The following MAP1S variants were observed in gnomAD, a reference collection of about 807,000 sequenced individuals.
The protein encoded by MAP1S is microtubule associated protein 1S.
In MAP1S, 27 loss-of-function variants were observed where a neutral mutation model predicts 60.9. The observed-to-expected ratio is 0.44, with a 90% CI of 0.33 to 0.61. The LOEUF (loss-of-function observed/expected upper bound fraction) is 0.61. MAP1S is among the 20% of genes least tolerant of loss of function. The probability of loss-of-function intolerance (pLI) is 0.03; values close to 1 mark genes in which losing one functional copy is unlikely to be tolerated. For synonymous variants in MAP1S, 826 were observed against 694.2 expected (o/e 1.19, Z -2.98); for missense variants, 1,608 against 1,486.6 (o/e 1.08, Z -1.34).
intron 6 of MAP1S, 39 bp from the exon 7 acceptor site, chr19:17,734,234 G>A (rs1207395817): frequency 6.3e-7 from 1 of 1,579,070 alleles, no homozygotes; most frequent in Admixed American, 1.7e-5. Flanking sequence ...CCCCTCACTG[G>A]TGGTCCACTC....
At chr19:17,730,809 G>A (rs1568296075) in intron 5 of MAP1S, among the ~76,000 whole-genome samples, 1 of 151,112 alleles carries the variant, frequency 6.6e-6, no homozygotes, top group Non-Finnish European at 1.5e-5. Flanking sequence ...AGTCCATTTT[G>A]TCTATTTTTT....
At position 17,728,142 on chromosome 19, in the gene MAP1S, A is replaced by AC; in HGVS notation, c.2763dup (p.Lys922GlnfsTer44). ...GGCACCCCTGTCCAGAAAGTCCTCAACCCCCAAGACTGCCACTCGAGGCCC... is the reference window on the plus strand; with the variant it reads ...GGCACCCCTGTCCAGAAAGTCCTCAACCCCCCAAGACTGCCACTCGAGGCCC... On this transcript the variant is annotated frameshift_variant, in exon 5 of 7. Coordinates refer to ENST00000324096, the MANE Select transcript of MAP1S (RefSeq NM_018174.6). LOFTEE classifies it high-confidence loss of function. 1 of 1,601,182 alleles carries AC rather than the reference A, an allele frequency of 6.2e-7. No individual in the cohort carries two copies. Among genetic ancestry groups the AC allele is most frequent in the Non-Finnish European group, 8.5e-7 (1 of 1,172,246 alleles).
chr19:17,721,008 ACT>A lies in MAP1S; in HGVS notation c.194_195del (p.Ser65CysfsTer35), dbSNP rs1431858451. 2.5e-6 allele frequency: 4 copies of A among 1,613,574 alleles called. No individual in the cohort carries two copies. Among genetic ancestry groups the A allele is most frequent in the Non-Finnish European group, 3.4e-6 (4 of 1,179,864 alleles). ...CAGCTCAAGGTCTTTGTGTCCCGAC[ACT>A]CTGCCACCTTCTCCAGCATTGTGAA... On this transcript the variant is annotated frameshift_variant, in exon 2 of 7. Coordinates refer to ENST00000324096, the MANE Select transcript of MAP1S (RefSeq NM_018174.6). LOFTEE classifies it high-confidence loss of function.
rs1404011443 is a variant in MAP1S, at chr19:17,726,728, G to A, written c.1344G>A (p.Leu448=). ...PACLLDGLVR[L]QHLRFLREPV... is the part of the protein sequence containing the mutation. ...GCCTCCTGGACGGCCTGGTCCGCCT[G>A]CAGCACTTGAGGTTCCTGCGAGAGC... Residue 448 remains leucine, a synonymous_variant, in exon 5 of 7, where the codon CTG becomes CTA. Transcript: ENST00000324096. 1 of 1,588,954 alleles carries A rather than the reference G, an allele frequency of 6.3e-7. No individual in the cohort carries two copies. The highest frequency in any genetic ancestry group is 8.5e-7 in the Non-Finnish European group (1 of 1,171,038).
At position 17,725,109 on chromosome 19, in the gene MAP1S, C is replaced by T; in HGVS notation, c.364C>T (p.Leu122=). The T allele has an allele frequency of 6.2e-7, 1 of 1,614,156 alleles. No individual in the cohort carries two copies. ...GCTACTGGTGTTGGCTGGGCCCTGC[C>T]TGGAGGAGACGGGGGAGCTGCTGCT... is the stretch of plus-strand genomic sequence containing the variant. The part of the protein sequence containing the change: ...HKLLVLAGPC[L]EETGELLLQT... The change falls in exon 4 of 7, where the codon CTG becomes TTG. Residue 122 remains leucine, a synonymous_variant. Transcript: ENST00000324096. This position sits in a 1 kb window ranked among gnomAD's most constrained non-coding sequence, Gnocchi z 4.2.
At position 17,726,770 on chromosome 19, in the gene MAP1S, G is replaced by A. The variant is rs1257517622; in HGVS notation, c.1386G>A (p.Gln462=). The part of the protein sequence containing the change: ...RFLREPVVTP[Q]DLEGPGRAES... Reference sequence around the variant, plus strand: ...TGCGAGAGCCCGTGGTGACGCCCCAGGACCTGGAGGGGCCGGGGCGAGCCG... The same window carrying A: ...TGCGAGAGCCCGTGGTGACGCCCCAAGACCTGGAGGGGCCGGGGCGAGCCG... The change falls in exon 5 of 7, where the codon CAG becomes CAA. Residue 462 remains glutamine (Q), a synonymous_variant. Coordinates refer to ENST00000324096, the MANE Select transcript of MAP1S (RefSeq NM_018174.6). 6.4e-7 allele frequency: 1 copy of A among 1,556,140 alleles called. No homozygotes were observed. Among genetic ancestry groups the A allele is most frequent in the Admixed American group, 1.9e-5 (1 of 51,538 alleles).
In MAP1S at chr19:17,728,004, G is replaced by C. The variant is rs2080458281; in HGVS notation, c.2620G>C (p.Ala874Pro). 3.7e-6 allele frequency: 6 copies of C among 1,611,402 alleles called. No individual in the cohort carries two copies. Among genetic ancestry groups the C allele is most frequent in the Non-Finnish European group, 5.1e-6 (6 of 1,179,182 alleles). ...KPLARPNSRA[A>P]APKATPVAAA... ...CCTGGCCCGCCCCAACTCACGCGCT[G>C]CCGCCCCCAAAGCCACTCCAGTGGC... The change falls in exon 5 of 7, where the codon GCC (alanine) becomes CCC (proline). Residue 874 changes from alanine to proline, a missense_variant. Ala to Pro is a conservative substitution (Grantham distance 27). Transcript: ENST00000324096.
intron 2 of MAP1S, among the ~76,000 whole-genome samples, chr19:17,722,993 G>A (rs2080384755): frequency 6.6e-6 from 1 of 152,178 alleles, no homozygotes; most frequent in Non-Finnish European, 1.5e-5. Flanking sequence ...GCTGTACCCT[G>A]GTCCGGGTTG....
chr19:17,733,404 G>A lies in MAP1S; in HGVS notation c.3000G>A (p.Lys1000=), dbSNP rs2080510870. The part of the protein sequence containing the change: ...RAVLDALLAS[K]QHWDRDLQVT... ...TCCTGGACGCGCTACTGGCCAGCAAGCAGCATTGGGACCGTGACCTGCAGG... is the reference window on the plus strand; with the variant it reads ...TCCTGGACGCGCTACTGGCCAGCAAACAGCATTGGGACCGTGACCTGCAGG... Residue 1000 remains lysine, a synonymous_variant, in exon 6 of 7, where the codon AAG becomes AAA. Coordinates refer to ENST00000324096, the MANE Select transcript of MAP1S (RefSeq NM_018174.6). The A allele has an allele frequency of 1.2e-6, 2 of 1,608,030 alleles. No homozygotes were observed. Among genetic ancestry groups the A allele is most frequent in the Non-Finnish European group, 8.5e-7 (1 of 1,177,406 alleles).
chr19:17,721,048 G>T lies in MAP1S; in HGVS notation c.220+11G>T. 1.2e-6 allele frequency: 2 copies of T among 1,611,660 alleles called. No individual in the cohort carries two copies. Among genetic ancestry groups the T allele is most frequent in the Non-Finnish European group, 1.7e-6 (2 of 1,177,736 alleles). The stretch of plus-strand genomic sequence containing the variant: ...CCAGCATTGTGAAAGGTGAGGCTGG[G>T]GTCCCCCTGACTGCTCCCTACCTCT... On this transcript the variant is annotated intron_variant, in intron 2 of 6. Transcript: ENST00000324096.
In MAP1S at chr19:17,728,193, C is replaced by T. The variant is rs780064630; in HGVS notation, c.2788+21C>T. The T allele has an allele frequency of 1.2e-5, 19 of 1,546,000 alleles. 1 individual carries two copies. The South Asian group carries it at 2.3e-4, about 19-fold the overall frequency. ...GTCGGGTGAGTACTGGAGCTGGGGC[C>T]CTGGGCTGGGTTAGCAGCTGCTTAG... On this transcript the variant is annotated intron_variant, in intron 5 of 6. Coordinates refer to ENST00000324096, the MANE Select transcript of MAP1S (RefSeq NM_018174.6).
Position 17,726,102 on chromosome 19 carries a change from C to G in MAP1S, c.718C>G (p.Arg240Gly), listed in dbSNP as rs774711315. Residue 240 changes from arginine to glycine, a missense_variant, in exon 5 of 7, where the codon CGG becomes GGG. This residue lies in a region of MAP1S where 320 missense variants were observed against 393.1 expected (regional missense o/e 0.81). Transcript: ENST00000324096. ...CTCCGGGGGCTTCCTCAGGCTGGGC[C>G]GGCCCTGCTGCTACATCTTCCCTGG... ...PTSGGFLRLGRPCCYIFPGGL... is the reference protein window; with the variant it reads ...PTSGGFLRLGGPCCYIFPGGL... 4 of 1,613,896 alleles carry G rather than the reference C, an allele frequency of 2.5e-6. No homozygotes were observed. Among genetic ancestry groups the G allele is most frequent in the Admixed American group, 1.7e-5 (1 of 60,024 alleles).
In MAP1S at chr19:17,733,336, A is replaced by G. The variant is rs1162248428; in HGVS notation, c.2932A>G (p.Ile978Val). 9 of 1,609,400 alleles carry G rather than the reference A, an allele frequency of 5.6e-6. No individual in the cohort carries two copies. The highest frequency in any genetic ancestry group is 7.6e-6 in the Non-Finnish European group (9 of 1,178,702). ...GCGCGTGCGCGCGCTCTGCTACGTC[A>G]TCAGTGGCCAGGACCAGCGCAAGGA... ...FQRVRALCYV[I>V]SGQDQRKEEG... Residue 978 changes from isoleucine to valine, a missense_variant, in exon 6 of 7, where the codon ATC (isoleucine) becomes GTC (valine). Physicochemically the swap from Ile to Val is conservative, Grantham distance 29 (BLOSUM62 3). Transcript: ENST00000324096.
intron 3 of MAP1S, 80 bp from the exon 4 acceptor site, chr19:17,724,969 G>T (rs1398184686): frequency 6.3e-7 from 1 of 1,579,740 alleles, no homozygotes; most frequent in South Asian, 1.1e-5. Context: ...GTTATGTATC[G>T]ACTCGAGGCT....
chr19:17,719,602 C>T lies in MAP1S; in HGVS notation c.100C>T (p.Leu34=), dbSNP rs1031458288. The change falls in exon 1 of 7, where the codon CTG becomes TTG. Residue 34 remains leucine, a synonymous_variant. Coordinates refer to ENST00000324096, the MANE Select transcript of MAP1S (RefSeq NM_018174.6). ...GAGCCCGGGGCTCCTCACCTACGTC[C>T]TGGAGGAGCTCGAAAGAGGTCGGGC... ...FGSPGLLTYV[L]EELERGIRSW... is the part of the protein sequence containing the mutation. The T allele has an allele frequency of 1.6e-6, 2 of 1,244,114 alleles. No individual in the cohort carries two copies. The highest frequency in any genetic ancestry group is 3.1e-5 in the African/African-American group (2 of 64,286). The allele number at this position is 1,244,114 out of a possible 1,614,324, so 77.1% of individuals were successfully genotyped here. A position where few individuals can be genotyped will look rare whatever the true frequency, so the allele number is the denominator to read the frequency against.
chr19:17,720,304 A>C, intron 1 of MAP1S: 1 of 1,448,958 alleles, frequency 6.9e-7, no homozygotes, highest in Non-Finnish European at 9.1e-7. Flanking sequence ...AAAATGGGAC[A>C]GGAACACGCA....
At chr19:17,724,646 T>C (rs2080401188) in intron 3 of MAP1S, among the ~76,000 whole-genome samples, 1 of 152,106 alleles carries the variant, frequency 6.6e-6, no homozygotes, top group African/African-American at 2.4e-5. Flanking sequence ...CTACAGACCT[T>C]CTTACAGGTT....
chr19:17,723,566 A>G (rs1407735748), intron 2 of MAP1S, among the ~76,000 whole-genome samples: 6 of 139,700 alleles, frequency 4.3e-5, no homozygotes, highest in Non-Finnish European at 9.2e-5. Flanking sequence ...AAGAAAAGAA[A>G]AAGGCCGGGC....
At chr19:17,733,021 T>A (rs1263691689) in intron 5 of MAP1S, 172 bp from the exon 6 acceptor site, 4 of 565,244 alleles carry the variant, frequency 7.1e-6, no homozygotes, top group Non-Finnish European at 1.3e-5. Flanking sequence ...ACCCCATTTC[T>A]TAAAATAAGA....
Sources: allele counts gnomAD v4.1 joint callset (sites outside exome capture counted in the v4.1 genomes callset), GRCh38; gene constraint gnomAD v4.1.1; regional missense constraint gnomAD v4.1.1; non-coding constraint Gnocchi (gnomAD v3.1); transcripts MANE v1.5; gene names NCBI Gene and HGNC (gene_info 2026-07-23, HGNC 2026-07-21).